RAP1GAP: variants seen among roughly 807,000 people sequenced by gnomAD.
The protein encoded by RAP1GAP is RAP1 GTPase activating protein.
A neutral mutation model predicts 87.2 loss-of-function variants in RAP1GAP; 35 were observed. That is an observed-to-expected ratio of 0.40 (90% CI 0.31 to 0.53). RAP1GAP has a LOEUF of 0.53. Among genes scored for constraint, RAP1GAP ranks in the 20% least tolerant of loss-of-function variants. The pLI, the probability that RAP1GAP is intolerant of heterozygous loss-of-function variation, is 0.48. For missense variants in RAP1GAP, 734 were observed against 898.9 expected (o/e 0.82, Z 2.35); for synonymous variants, 375 against 363.9 (o/e 1.03, Z -0.35).
intron 2 of RAP1GAP, among the ~76,000 whole-genome samples, chr1:21,641,874 G>A (rs925208228): frequency 9.9e-5 from 15 of 152,192 alleles, no homozygotes; most frequent in African/African-American, 3.6e-4. Flanking sequence ...GCCTCTGAGA[G>A]GGAGGGTGAT....
At chr1:21,661,987 G>A (rs929798070) in intron 1 of RAP1GAP, among the ~76,000 whole-genome samples, 2 of 152,230 alleles carry the variant, frequency 1.3e-5, no homozygotes, top group Admixed American at 6.5e-5. Context: ...CGCCACTGAA[G>A]GGCGTGGTGT....
chr1:21,611,891 G>C, intron 11 of RAP1GAP, 75 bp from the exon 12 acceptor site: 1 of 1,514,560 alleles, frequency 6.6e-7, no homozygotes, highest in South Asian at 1.1e-5. Flanking sequence ...CTTGGACCCA[G>C]AGAGGGCCGG....
In RAP1GAP at chr1:21,609,452, G is replaced by T; in HGVS notation, c.1071+123C>A. 2 of 561,338 alleles carry T rather than the reference G, an allele frequency of 3.6e-6. No individual in the cohort carries two copies. Among genetic ancestry groups the T allele is most frequent in the South Asian group, 4.9e-5 (1 of 20,416 alleles). 34.8% of individuals were successfully genotyped at this position (561,338 alleles called of 1,614,324 possible). ...AAAGCCAGGCCCCGGTTGCAGTTAG[G>T]GGAGCCCAGCTGCCCTGGCATACAA... On this transcript the variant is annotated intron_variant, in intron 15 of 24. Transcript: ENST00000374765. The surrounding 1 kb of genome is among the most constrained non-coding windows in gnomAD (Gnocchi z 4.4).
At chr1:21,651,375 C>A (rs765273119) in intron 1 of RAP1GAP, 5 of 514,932 alleles carry the variant, frequency 9.7e-6, no homozygotes, top group South Asian at 4.4e-5. Flanking sequence ...GACCTGCCTG[C>A]CCCTACTCCC....
At chr1:21,598,153 C>G (rs774553447) in intron 22 of RAP1GAP, 89 bp from the exon 23 acceptor site, 13 of 858,238 alleles carry the variant, frequency 1.5e-5, no homozygotes, top group Non-Finnish European at 2.3e-5. Flanking sequence ...GGCACCAGTG[C>G]GCTCCAACCC....
chr1:21,665,376 G>A (rs1474507041), intron 1 of RAP1GAP: 1 of 386,000 alleles, frequency 2.6e-6, no homozygotes, highest in African/African-American at 2.0e-5. Context: ...CTGACACAAA[G>A]CACCGGGCTG....
At chr1:21,610,357 G>A in intron 13 of RAP1GAP, 82 bp from the exon 14 acceptor site, 2 of 1,469,224 alleles carry the variant, frequency 1.4e-6, no homozygotes, top group Non-Finnish European at 1.9e-6. Context: ...GTTTAGGAGG[G>A]TTTGGGGTAG....
At chr1:21,656,447 AAAAAAAAG>A (rs2096869976) in intron 1 of RAP1GAP, among the ~76,000 whole-genome samples, 10 of 125,754 alleles carry the variant, frequency 8.0e-5, no homozygotes, top group Admixed American at 2.4e-4. Flanking sequence ...AAAAAAAAAA[AAAAAAAAG>A]ACCTAACAAC....
intron 17 of RAP1GAP, 77 bp from the exon 18 acceptor site, chr1:21,606,274 A>G: frequency 4.6e-6 from 7 of 1,516,790 alleles, no homozygotes; most frequent in Non-Finnish European, 6.2e-6. Flanking sequence ...GAGCCCAGGC[A>G]TCTGGTCTCT....
intron 20 of RAP1GAP, among the ~76,000 whole-genome samples, chr1:21,601,051 T>G (rs997110933): frequency 1.3e-5 from 2 of 150,954 alleles, no homozygotes; most frequent in African/African-American, 2.4e-5. Context: ...AATGGAGTCT[T>G]GCTATGATGT....
chr1:21,607,985 C>G (rs889784834), intron 17 of RAP1GAP, among the ~76,000 whole-genome samples: 1 of 151,916 alleles, frequency 6.6e-6, no homozygotes, highest in African/African-American at 2.4e-5. Flanking sequence ...CAGCCCCAGT[C>G]CGGGACTTCG....
At position 21,613,936 on chromosome 1, in the gene RAP1GAP, G is replaced by C; in HGVS notation, c.395+50C>G. On this transcript the variant is annotated intron_variant, in intron 8 of 24. Transcript: ENST00000374765. This position sits in a 1 kb window ranked among gnomAD's most constrained non-coding sequence, Gnocchi z 4.7. ...GTCAAATGAGATGGGCTCTGAGATTGTAAGACCTCAGCCCTTCCTGCCATC... is the reference window on the plus strand; with the variant it reads ...GTCAAATGAGATGGGCTCTGAGATTCTAAGACCTCAGCCCTTCCTGCCATC... 1 of 1,423,406 alleles carries C rather than the reference G, an allele frequency of 7.0e-7. No homozygotes were observed. The highest frequency in any genetic ancestry group is 9.8e-7 in the Non-Finnish European group (1 of 1,025,188). 88.2% of individuals were successfully genotyped at this position (1,423,406 alleles called of 1,614,324 possible). A position where few individuals can be genotyped will look rare whatever the true frequency, so the allele number is the denominator to read the frequency against.
intron 13 of RAP1GAP, among the ~76,000 whole-genome samples, 195 bp downstream of exon 13, chr1:21,611,257 T>C (rs1253127924): frequency 2.0e-5 from 3 of 152,180 alleles, no homozygotes; most frequent in African/African-American, 4.8e-5. Context: ...ACCTAGGAAG[T>C]GGGTGCCATT....
chr1:21,610,333 G>A (rs903684307), intron 13 of RAP1GAP, 58 bp from the exon 14 acceptor site: 2 of 1,589,922 alleles, frequency 1.3e-6, no homozygotes, highest in East Asian at 2.2e-5. Context: ...TGGGGGAGAG[G>A]GGTGCCCACG....
chr1:21,611,629 G>C, intron 12 of RAP1GAP, 48 bp from the exon 13 acceptor site: 1 of 1,613,772 alleles, frequency 6.2e-7, no homozygotes, highest in South Asian at 1.1e-5. Flanking sequence ...GCCCTGGCCA[G>C]GCCTCCATGG....
intron 3 of RAP1GAP, 39 bp downstream of exon 3, chr1:21,626,265 G>C (rs1474876830): frequency 9.9e-6 from 15 of 1,508,644 alleles, no homozygotes; most frequent in Non-Finnish European, 1.4e-5. Flanking sequence ...GGAGGTAGGG[G>C]GCAGACCAGG....
rs1181328625 is a variant in RAP1GAP, at chr1:21,627,012, T to C, written c.-112-615A>G. 6 of 456,692 alleles carry C rather than the reference T, an allele frequency of 1.3e-5. No homozygotes were observed. In the East Asian group the frequency reaches 4.2e-4, roughly 32 times the overall value. 28.3% of individuals were successfully genotyped at this position (456,692 alleles called of 1,614,324 possible). The stretch of plus-strand genomic sequence containing the variant: ...GCAAAGCTAGCATCTGCATGAGACC[T>C]GCCTGAGTCTAAGCCCGGACTCTCT... On this transcript the variant is annotated intron_variant, in intron 2 of 24. Coordinates refer to ENST00000374765, the MANE Select transcript of RAP1GAP (RefSeq NM_002885.4).
At chr1:21,645,233 G>A (rs1252774423) in intron 2 of RAP1GAP, among the ~76,000 whole-genome samples, 2 of 152,104 alleles carry the variant, frequency 1.3e-5, no homozygotes, top group East Asian at 3.9e-4. Context: ...CAGGAGCTTG[G>A]GCATCTAAGA....
At position 21,613,280 on chromosome 1, in the gene RAP1GAP, G is replaced by GCC; in HGVS notation, c.475-52_475-51insGG. The GCC allele has an allele frequency of 1.4e-6, 2 of 1,477,128 alleles. No individual in the cohort carries two copies. The highest frequency in any genetic ancestry group is 1.9e-6 in the Non-Finnish European group (2 of 1,055,858). The allele number at this position is 1,477,128 out of a possible 1,614,324, so 91.5% of individuals were successfully genotyped here. A position where few individuals can be genotyped will look rare whatever the true frequency, so the allele number is the denominator to read the frequency against. On this transcript the variant is annotated intron_variant, in intron 9 of 24. Coordinates refer to ENST00000374765, the MANE Select transcript of RAP1GAP (RefSeq NM_002885.4). The surrounding 1 kb of genome is among the most constrained non-coding windows in gnomAD (Gnocchi z 4.7). ...GTGAGGTGTGGGGCCAGGGAGGAGA[G>GCC]GATGGGGCTGCCTGGGCCTCCCTGG... is the stretch of plus-strand genomic sequence containing the variant.
Sources: gnomAD v4.1 joint callset for allele counts (sites outside exome capture counted in the v4.1 genomes callset) on GRCh38, gnomAD v4.1.1 for gene constraint, Gnocchi (gnomAD v3.1) non-coding constraint, MANE v1.5 for transcripts, NCBI Gene and HGNC (gene_info 2026-07-23, HGNC 2026-07-21) for gene names.